The following CCDC120 variants were observed in gnomAD, a reference collection of about 807,000 sequenced individuals.
The protein encoded by CCDC120 is coiled-coil domain containing 120.
Under a neutral mutation model 37.6 loss-of-function variants are expected in CCDC120, and 16 were observed. The observed-to-expected ratio is 0.43, with a 90% CI of 0.29 to 0.65. The LOEUF (loss-of-function observed/expected upper bound fraction) is 0.65, where lower values mean the gene tolerates loss of function less well. Among genes scored for constraint, CCDC120 ranks in the 30% least tolerant of loss-of-function variants. The probability of loss-of-function intolerance (pLI) is 0.18; values close to 1 mark genes in which losing one functional copy is unlikely to be tolerated. For synonymous variants in CCDC120, 309 were observed against 275.4 expected, an observed-to-expected ratio of 1.12 and a Z score of -1.21; for missense variants, 650 against 657.4, an observed-to-expected ratio of 0.99 and a Z score of 0.12.
In CCDC120 at chrX:49,067,433, C is replaced by T. The variant is rs1557081642; in HGVS notation, c.1319C>T (p.Pro440Leu). ...CTGTATGAGCGCCCCCAACCAACCC[C>T]TGCCTTCTCCTCCCGCACAGCAGGC... ...EVLYERPQPTPAFSSRTAGPP... is the reference protein window; with the variant it reads ...EVLYERPQPTLAFSSRTAGPP... The change falls in exon 10 of 11, where the codon CCT (proline) becomes CTT (leucine). Residue 440 changes from proline to leucine, a missense_variant. Physicochemically the swap from Pro to Leu is moderately conservative, Grantham distance 98 (BLOSUM62 -3). Coordinates refer to ENST00000603986, the MANE Select transcript of CCDC120 (RefSeq NM_001163321.4). 8.4e-7 allele frequency: 1 copy of T among 1,192,089 alleles called. No individual in the cohort carries two copies. The highest frequency in any genetic ancestry group is 1.8e-5 in the African/African-American group (1 of 56,967).
At position 49,063,884 on chromosome X, in the gene CCDC120, T is replaced by G. The variant is rs782421973; in HGVS notation, c.312T>G (p.Pro104=). The G allele has an allele frequency of 2.5e-6, 3 of 1,205,682 alleles. No individual in the cohort carries two copies. Among genetic ancestry groups the G allele is most frequent in the African/African-American group, 1.8e-5 (1 of 56,869 alleles). Residue 104 remains proline, a synonymous_variant, in exon 5 of 11, where the codon CCT becomes CCG. Transcript: ENST00000603986. The part of the protein sequence containing the change: ...QEAELTGQLP[P]ECPLEPGERP... ...AGGAGCTGACTGGCCAGCTGCCCCCTGAGTGCCCACTAGAGCCTGGTGAAC... is the reference window on the plus strand; with the variant it reads ...AGGAGCTGACTGGCCAGCTGCCCCCGGAGTGCCCACTAGAGCCTGGTGAAC...
chrX:49,065,236 T>C, intron 7 of CCDC120, 138 bp downstream of exon 7: 1 of 730,648 alleles, frequency 1.4e-6, no homozygotes. Context: ...CAGCTTCTCC[T>C]TAGCCATGCT....
intron 9 of CCDC120, 113 bp downstream of exon 9, chrX:49,065,958 C>T: frequency 2.7e-6 from 2 of 741,308 alleles, no homozygotes; most frequent in Middle Eastern, 4.5e-4. Flanking sequence ...CGCGGTGGCT[C>T]ACGCTTGTAA....
At chrX:49,062,641 G>A (rs782564721) in intron 4 of CCDC120, 40 bp downstream of exon 4, 47 of 1,182,969 alleles carry the variant, frequency 4.0e-5, no homozygotes, top group Non-Finnish European at 5.3e-5. Context: ...GGGGAGGTTG[G>A]GAGGAGGTGA....
rs369785118 is a variant in CCDC120 at position 49,067,931 on chromosome X, C to T, written c.1817C>T (p.Ala606Val). Residue 606 changes from alanine (A) to valine (V), a missense_variant, in exon 10 of 11, where the codon GCG becomes GTG. Physicochemically the swap from Ala to Val is moderately conservative, Grantham distance 64. Transcript: ENST00000603986. ...TACATCCGGAACTCGGGACTGGCTG[C>T]GGGGCCCCAGCGCCGGCCTGTGCTC... ...DWYIRNSGLAAGPQRRPVLPS... is the reference protein window; with the variant it reads ...DWYIRNSGLAVGPQRRPVLPS... 18 of 1,140,687 alleles carry T rather than the reference C, an allele frequency of 1.6e-5. No individual in the cohort carries two copies. Among genetic ancestry groups the T allele is most frequent in the East Asian group, 3.3e-5 (1 of 30,372 alleles). The allele number at this position is 1,140,687 out of a possible 1,213,427, so 94.0% of individuals were successfully genotyped here. A position where few individuals can be genotyped will look rare whatever the true frequency, so the allele number is the denominator to read the frequency against.
At position 49,062,010 on chromosome X, in the gene CCDC120, G is replaced by A. The variant is rs1557079541; in HGVS notation, c.-32G>A. The A allele has an allele frequency of 1.5e-5, 17 of 1,153,124 alleles. No individual in the cohort carries two copies. The South Asian group carries it at 2.3e-4, about 16-fold the overall frequency. On this transcript the variant is annotated 5_prime_UTR_variant, in exon 2 of 11. Transcript: ENST00000603986. ...GCCTCTGAGGAGGCGTTGTAAGTCC[G>A]CCCAGCTCCCCACTTGCTGTGCTCT...
At chrX:49,063,800 A>C (rs922016522) in intron 4 of CCDC120, 61 bp from the exon 5 acceptor site, 116 of 1,121,425 alleles carry the variant, frequency 1.0e-4, no homozygotes, top group Non-Finnish European at 1.3e-4. Context: ...TGGGATCATT[A>C]ATGCTTCACC....
At chrX:49,064,934 T>C in intron 6 of CCDC120, 102 bp from the exon 7 acceptor site, 1 of 882,215 alleles carries the variant, frequency 1.1e-6, no homozygotes, top group Non-Finnish European at 1.6e-6. Context: ...AGGCGGAAAC[T>C]GGCCAGAAGG....
At chrX:49,061,128 A>G (rs1246006793) in intron 1 of CCDC120, among the ~76,000 whole-genome samples, 4 of 111,676 alleles carry the variant, frequency 3.6e-5, no homozygotes, top group Non-Finnish European at 7.5e-5. Flanking sequence ...CAGCTGAGCC[A>G]TCGGGGGCAG....
intron 7 of CCDC120, 53 bp downstream of exon 7, chrX:49,065,151 C>A: frequency 8.9e-7 from 1 of 1,118,449 alleles, no homozygotes; most frequent in Non-Finnish European, 1.2e-6. Flanking sequence ...CCCTTTAGCC[C>A]ATCCCCTTTA....
intron 10 of CCDC120, 28 bp from the exon 11 acceptor site, chrX:49,068,516 C>G: frequency 1.8e-6 from 2 of 1,082,728 alleles, no homozygotes; most frequent in Non-Finnish European, 1.2e-6. Flanking sequence ...CCGCCCTGTC[C>G]TCCGGATTCC....
At chrX:49,063,603 C>T (rs941202029) in intron 4 of CCDC120, among the ~76,000 whole-genome samples, 13 of 111,263 alleles carry the variant, frequency 1.2e-4, no homozygotes, top group African/African-American at 4.3e-4. Flanking sequence ...ATGGTATCAC[C>T]TTTATAAAAA....
rs782186978 is a variant in CCDC120, at chrX:49,067,458, C to T, written c.1344C>T (p.Gly448=). 8.5e-7 allele frequency: 1 copy of T among 1,179,239 alleles called. No homozygotes were observed. Among genetic ancestry groups the T allele is most frequent in the East Asian group, 3.0e-5 (1 of 33,235 alleles). Residue 448 remains glycine, a synonymous_variant, in exon 10 of 11, where the codon GGC becomes GGT. Coordinates refer to ENST00000603986, the MANE Select transcript of CCDC120 (RefSeq NM_001163321.4). ...PTPAFSSRTA[G]PPDPPRAARP... is the part of the protein sequence containing the mutation. ...CTGCCTTCTCCTCCCGCACAGCAGG[C>T]CCCCCAGACCCTCCCCGGGCCGCCC...
intron 10 of CCDC120, 54 bp from the exon 11 acceptor site, chrX:49,068,487 TTTC>T (rs1225535958): frequency 2.0e-5 from 21 of 1,050,479 alleles, no homozygotes; most frequent in South Asian, 2.9e-5. Flanking sequence ...TTGTCTGTCT[TTTC>T]TTCTTCTTGT....
upstream of CCDC120, among the ~76,000 whole-genome samples, chrX:49,056,861 C>G (rs782805698): frequency 2.7e-5 from 3 of 111,591 alleles, no homozygotes; most frequent in Non-Finnish European, 5.6e-5. Context: ...TGAGCTCTTA[C>G]CAGGCACTGT....
upstream of CCDC120, among the ~76,000 whole-genome samples, chrX:49,054,256 C>T (rs1427569851): frequency 5.4e-5 from 6 of 111,199 alleles, no homozygotes; most frequent in African/African-American, 1.3e-4. Context: ...CCAACACTGA[C>T]CCCAGTTTCT....
chrX:49,065,353 C>T, intron 7 of CCDC120, 101 bp from the exon 8 acceptor site: 1 of 960,035 alleles, frequency 1.0e-6, no homozygotes, highest in Non-Finnish European at 1.4e-6. Flanking sequence ...CTTAACCTGT[C>T]CCAGCACTTT....
chrX:49,062,746 C>G, intron 4 of CCDC120, 145 bp downstream of exon 4: 1 of 636,240 alleles, frequency 1.6e-6, no homozygotes, highest in East Asian at 3.5e-5. Context: ...CTCCTCAAAG[C>G]TCAGCTTAGA....
chrX:49,061,933 C>T, intron 1 of CCDC120, 26 bp from the exon 2 acceptor site: 1 of 1,109,761 alleles, frequency 9.0e-7, no homozygotes, highest in Non-Finnish European at 1.2e-6. Context: ...TTGGTTGAAT[C>T]TGTCCCATTA....
Sources: gnomAD v4.1 joint callset for allele counts (sites outside exome capture counted in the v4.1 genomes callset) on GRCh38, gnomAD v4.1.1 for gene constraint, MANE v1.5 for transcripts, NCBI Gene and HGNC (gene_info 2026-07-23, HGNC 2026-07-21) for gene names.